Variants in GAB1 observed in about 807,000 individuals in gnomAD.
GAB1 encodes GRB2-associated-binding protein 1.
A neutral mutation model predicts 66.5 loss-of-function variants in GAB1; 19 were observed. That is an observed-to-expected ratio of 0.29 (90% CI 0.20 to 0.42). The LOEUF is 0.42. GAB1 is among the 10% of genes least tolerant of loss of function. GAB1 has a pLI of 1.00. For missense variants in GAB1, 732 were observed against 858.5 expected (o/e 0.85, Z 1.84); for synonymous variants, 294 against 301.4 (o/e 0.98, Z 0.25).
intron 8 of GAB1, 120 bp downstream of exon 8, chr4:143,460,607 G>A: frequency 3.5e-6 from 3 of 851,950 alleles, no homozygotes; most frequent in Non-Finnish European, 5.2e-6. Context: ...AGCAGTAAAA[G>A]ACAACTTTTA....
At chr4:143,395,980 T>C in intron 1 of GAB1, 1 of 455,672 alleles carries the variant, frequency 2.2e-6, no homozygotes, top group Non-Finnish European at 4.4e-6. Context: ...GGAGAGGGCA[T>C]ATGGATGAGG....
At chr4:143,380,590 G>A (rs1410340891) in intron 1 of GAB1, 1 of 152,176 alleles carries the variant, frequency 6.6e-6, no homozygotes, top group Non-Finnish European at 1.5e-5. Context: ...TTTAACCACA[G>A]TTTTCTTTTC....
At chr4:143,358,400 T>G (rs1230210170) in intron 1 of GAB1, among the ~76,000 whole-genome samples, 1 of 152,176 alleles carries the variant, frequency 6.6e-6, no homozygotes, top group Non-Finnish European at 1.5e-5. Flanking sequence ...TTTCGGTATT[T>G]TTCTTTTTTA....
intron 7 of GAB1, among the ~76,000 whole-genome samples, chr4:143,460,069 T>G (rs1372623124): frequency 6.6e-6 from 1 of 152,104 alleles, no homozygotes; most frequent in African/African-American, 2.4e-5. Context: ...TAGAAATTCT[T>G]AAGTCTTCCA....
At chr4:143,356,566 C>G (rs898617809) in intron 1 of GAB1, among the ~76,000 whole-genome samples, 1 of 152,134 alleles carries the variant, frequency 6.6e-6, no homozygotes, top group African/African-American at 2.4e-5. Flanking sequence ...GAGCAAAGCC[C>G]TTCTCCCTAA....
chr4:143,368,659 T>C lies in GAB1; in HGVS notation c.72+31399T>C, dbSNP rs145660928. 3.5e-3 allele frequency among the ~76,000 whole-genome samples: 536 copies of C among 152,326 alleles called. 2 individuals are homozygous for C. The highest frequency in any genetic ancestry group is 0.012 in the African/African-American group (487 of 41,564). ...TTTTCCTCTTTGCTTATAATACTTA[T>C]AAAGTTATATTTATTTTCTTTTGTC... is the stretch of plus-strand genomic sequence containing the variant. On this transcript the variant is annotated intron_variant, in intron 1 of 9. Coordinates refer to ENST00000262994, the MANE Select transcript of GAB1 (RefSeq NM_002039.4).
intron 9 of GAB1, 115 bp downstream of exon 9, chr4:143,466,340 T>C (rs1735786034): frequency 9.0e-6 from 9 of 1,001,810 alleles, no homozygotes; most frequent in Non-Finnish European, 1.1e-5. Context: ...AAATTTAGTC[T>C]GGTCTGCTAC....
rs1380887450 is a variant in GAB1, at chr4:143,473,503, A to T, written c.*4314A>T. 6.6e-6 allele frequency: 1 copy of T among 150,772 alleles called. No homozygotes were observed. The highest frequency in any genetic ancestry group is 1.5e-5 in the Non-Finnish European group (1 of 68,018). The allele number at this position is 150,772 out of a possible 1,614,324, so 9.3% of individuals were successfully genotyped here. A position where few individuals can be genotyped will look rare whatever the true frequency, so the allele number is the denominator to read the frequency against. ...ATCTCACTAAATCATGTTGAAACAC[A>T]AGTCATGATCCTCTCTAAGTAAATA... On this transcript the variant is annotated 3_prime_UTR_variant, in exon 10 of 10. Coordinates refer to ENST00000262994, the MANE Select transcript of GAB1 (RefSeq NM_002039.4).
intron 1 of GAB1, among the ~76,000 whole-genome samples, chr4:143,408,529 C>A (rs375441813): frequency 4.2e-4 from 64 of 152,162 alleles, no homozygotes; most frequent in Non-Finnish European, 5.9e-4. Flanking sequence ...TGTACAATTC[C>A]GCACCTTGTT....
At chr4:143,400,578 A>G (rs963389661) in intron 1 of GAB1, among the ~76,000 whole-genome samples, 4 of 151,664 alleles carry the variant, frequency 2.6e-5, no homozygotes, top group African/African-American at 7.3e-5. Flanking sequence ...TTTATTTTTA[A>G]TTCTTCCTTT....
At chr4:143,437,947 T>A in intron 3 of GAB1, 52 bp from the exon 4 acceptor site, 2 of 1,516,598 alleles carry the variant, frequency 1.3e-6, no homozygotes, top group Non-Finnish European at 1.8e-6. Context: ...TTATAAAAAA[T>A]GTATTCTTAG....
Position 143,459,441 on chromosome 4 carries a change from C to A in GAB1, c.1642C>A (p.Pro548Thr). Residue 548 changes from proline (P) to threonine (T), a missense_variant, in exon 7 of 10, where the codon CCA becomes ACA. This residue lies in a region of GAB1 where 204 missense variants were observed against 276.8 expected (regional missense o/e 0.74). Coordinates refer to ENST00000262994, the MANE Select transcript of GAB1 (RefSeq NM_002039.4). ...GCCAGAATGGGAAGAATTACAAGCCCCAGTTAGATCTCCCATCACTAGGAG... is the reference window on the plus strand; with the variant it reads ...GCCAGAATGGGAAGAATTACAAGCCACAGTTAGATCTCCCATCACTAGGAG... ...PLPEWEELQAPVRSPITRSFA... is the reference protein window; with the variant it reads ...PLPEWEELQATVRSPITRSFA... 1.2e-6 allele frequency: 2 copies of A among 1,607,758 alleles called. No homozygotes were observed. The highest frequency in any genetic ancestry group is 1.7e-6 in the Non-Finnish European group (2 of 1,174,400).
chr4:143,452,413 T>C (rs946802915), intron 6 of GAB1, among the ~76,000 whole-genome samples: 1 of 152,218 alleles, frequency 6.6e-6, no homozygotes, highest in Non-Finnish European at 1.5e-5. Context: ...AGATGGCATA[T>C]ATTTTCTAGT....
At chr4:143,407,089 C>T (rs7699633) in intron 1 of GAB1, among the ~76,000 whole-genome samples, 4,203 of 152,206 alleles carry the variant, frequency 0.028, 192 homozygotes, top group African/African-American at 0.097. Context: ...TTTCAGGGTT[C>T]TTAACGTGTT....
rs528129260 is a variant in GAB1 at position 143,369,201 on chromosome 4, G to A, written c.72+31941G>A. On this transcript the variant is annotated intron_variant, in intron 1 of 9. Transcript: ENST00000262994. ...GGTGATCCACCCACCTTGGCCTCCC[G>A]GAGTGCTGGGATTACAGTTATGAGC... Among the ~76,000 whole-genome samples the A allele has an allele frequency of 1.4e-4, 22 of 151,988 alleles. No individual in the cohort carries two copies. In the South Asian group the frequency reaches 4.2e-3, roughly 29 times the overall value.
At chr4:143,391,277 A>T (rs140198133) in intron 1 of GAB1, among the ~76,000 whole-genome samples, 1 of 152,234 alleles carries the variant, frequency 6.6e-6, no homozygotes, top group South Asian at 2.1e-4. Flanking sequence ...CATATCTCCC[A>T]TAAGTGTTAT....
At chr4:143,379,200 G>A (rs928543112) in intron 1 of GAB1, among the ~76,000 whole-genome samples, 3 of 152,170 alleles carry the variant, frequency 2.0e-5, no homozygotes, top group African/African-American at 7.2e-5. Flanking sequence ...AAGTTGAAAA[G>A]GGTTTATTAA....
chr4:143,379,987 C>T (rs1038131445), intron 1 of GAB1, among the ~76,000 whole-genome samples: 2 of 150,104 alleles, frequency 1.3e-5, no homozygotes, highest in Non-Finnish European at 3.0e-5. Context: ...ATTATATCAT[C>T]AGAGGGGGTC....
chr4:143,443,988 T>G (rs549422673), intron 6 of GAB1, among the ~76,000 whole-genome samples: 2 of 152,282 alleles, frequency 1.3e-5, no homozygotes, highest in South Asian at 4.1e-4. Flanking sequence ...GTAGTGTTTG[T>G]TTTGAGCCAA....
Sources: gnomAD v4.1 joint callset for allele counts (sites outside exome capture counted in the v4.1 genomes callset) on GRCh38, gnomAD v4.1.1 for gene constraint, gnomAD v4.1.1 regional missense constraint, MANE v1.5 for transcripts, NCBI Gene and HGNC (gene_info 2026-07-23, HGNC 2026-07-21) for gene names.